RBPJ: variants seen among roughly 807,000 people sequenced by gnomAD.
The protein encoded by RBPJ is recombination signal binding protein for immunoglobulin kappa J region.
Under a neutral mutation model 67.8 loss-of-function variants are expected in RBPJ, and 9 were observed. The ratio of observed to expected loss-of-function variants is 0.13; its 90% confidence interval spans 0.08 to 0.23. The LOEUF is 0.23. Among genes scored for constraint, RBPJ ranks in the 10% least tolerant of loss-of-function variants. The pLI is 1.00. For missense variants in RBPJ, 305 were observed against 595.6 expected, an observed-to-expected ratio of 0.51 and a Z score of 5.08; for synonymous variants, 198 against 203.3, an observed-to-expected ratio of 0.97 and a Z score of 0.22.
chr4:26,245,224 T>TTTA lies in RBPJ; in HGVS notation c.-167+81612_-167+81613insATT, dbSNP rs1435537614. On this transcript the variant is annotated intron_variant, in intron 1 of 4. Transcript: ENST00000512351. ...TTGTATTTTTTTTTTTTTTTTTTTTTTTGAGTTGGAGTCTCACTCGCTCAC... is the reference window on the plus strand; with the variant it reads ...TTGTATTTTTTTTTTTTTTTTTTTTTTTATTGAGTTGGAGTCTCACTCGCTCAC... 2.7e-5 allele frequency among the ~76,000 whole-genome samples: 4 copies of TTTA among 147,618 alleles called. No individual in the cohort carries two copies. In the Admixed American group the frequency reaches 2.7e-4, roughly 10 times the overall value.
chr4:26,225,792 G>A (rs963104214), intron 1 of RBPJ, among the ~76,000 whole-genome samples: 3 of 151,956 alleles, frequency 2.0e-5, no homozygotes, highest in African/African-American at 7.2e-5. Flanking sequence ...AAAATTCAAG[G>A]GCAAACACTA....
chr4:26,198,514 GTAATAA>G (rs1717866850), intron 1 of RBPJ, among the ~76,000 whole-genome samples: 1 of 152,118 alleles, frequency 6.6e-6, no homozygotes, highest in South Asian at 2.1e-4. Context: ...CAAGCAAATA[GTAATAA>G]TAATAATGAT....
At chr4:26,183,366 C>CT (rs1324634976) in intron 1 of RBPJ, among the ~76,000 whole-genome samples, 2 of 152,200 alleles carry the variant, frequency 1.3e-5, no homozygotes, top group African/African-American at 4.8e-5. Context: ...TACTCAATTC[C>CT]TTTTTACAAG....
At chr4:26,413,267 A>G (rs965764877) in intron 3 of RBPJ, among the ~76,000 whole-genome samples, 3 of 152,106 alleles carry the variant, frequency 2.0e-5, no homozygotes, top group Admixed American at 1.3e-4. Context: ...AGGTGTCCAC[A>G]TGGCTTTAGG....
intron 1 of RBPJ, among the ~76,000 whole-genome samples, chr4:26,233,028 G>A (rs948056745): frequency 6.6e-6 from 1 of 152,222 alleles, no homozygotes; most frequent in African/African-American, 2.4e-5. Flanking sequence ...CATGCAGAGA[G>A]AGCAGCTGCT....
chr4:26,324,121 G>A (rs192026506), intron 1 of RBPJ, among the ~76,000 whole-genome samples: 5 of 152,168 alleles, frequency 3.3e-5, no homozygotes, highest in Admixed American at 6.5e-5. Context: ...GGATTGCTGT[G>A]CCTTAAGATT....
At chr4:26,114,497 A>ATATATATATATATATATGTGTG in the RBPJ span, among the ~76,000 whole-genome samples, 5 of 140,038 alleles carry the variant, frequency 3.6e-5, no homozygotes, top group African/African-American at 1.4e-4. Context: ...ATATATATAT[A>ATATATATATATATATATGTGTG]TGTATGTGTG....
chr4:26,375,895 C>T (rs1729679514), intron 1 of RBPJ, among the ~76,000 whole-genome samples: 1 of 152,128 alleles, frequency 6.6e-6, no homozygotes, highest in Non-Finnish European at 1.5e-5. Context: ...GTATCCTTAC[C>T]TTGATGGTAA....
chr4:26,152,683 C>T, the RBPJ span, among the ~76,000 whole-genome samples: 21 of 152,336 alleles, frequency 1.4e-4, no homozygotes, highest in African/African-American at 3.8e-4. Context: ...AGGACTTGAA[C>T]CCAGGTTGTT....
chr4:26,416,245 C>G (rs1734574731), intron 4 of RBPJ, among the ~76,000 whole-genome samples: 1 of 152,120 alleles, frequency 6.6e-6, no homozygotes. Context: ...ATTTAGAAAG[C>G]AGTCAATCTA....
intron 4 of RBPJ, 30 bp from the exon 5 acceptor site, chr4:26,420,521 T>C: frequency 6.6e-7 from 1 of 1,525,470 alleles, no homozygotes; most frequent in Admixed American, 2.0e-5. Context: ...AAGGTTTTGC[T>C]GCTGTTAAAA....
intron 1 of RBPJ, among the ~76,000 whole-genome samples, chr4:26,310,150 T>G (rs906572966): frequency 3.3e-5 from 5 of 152,248 alleles, no homozygotes; most frequent in African/African-American, 1.2e-4. Context: ...AATATTTATT[T>G]TTGTTTCTCA....
chr4:26,232,146 T>C (rs937584063), intron 1 of RBPJ, among the ~76,000 whole-genome samples: 3 of 152,120 alleles, frequency 2.0e-5, no homozygotes, highest in African/African-American at 7.2e-5. Flanking sequence ...TCCAACCTCC[T>C]CAGCCTCCCA....
the RBPJ span, among the ~76,000 whole-genome samples, chr4:26,109,575 C>A: frequency 8.4e-3 from 464 of 55,296 alleles, 55 homozygotes; most frequent in Middle Eastern, 0.02. Context: ...CTCTCTCTCT[C>A]TCTCTATATA....
At chr4:26,429,822 G>T in intron 8 of RBPJ, 76 bp from the exon 9 acceptor site, 2 of 1,235,932 alleles carry the variant, frequency 1.6e-6, no homozygotes, top group South Asian at 2.6e-5. Context: ...TTGTCTGAGG[G>T]TTACTTGGTA....
intron 1 of RBPJ, among the ~76,000 whole-genome samples, chr4:26,277,918 CAT>C (rs891743420): frequency 3.9e-5 from 6 of 152,196 alleles, no homozygotes; most frequent in Non-Finnish European, 8.8e-5. Context: ...GTTATTTTCA[CAT>C]GTGTCAATCA....
the RBPJ span, among the ~76,000 whole-genome samples, chr4:26,138,062 T>C: frequency 6.6e-6 from 1 of 152,188 alleles, no homozygotes; most frequent in Non-Finnish European, 1.5e-5. Flanking sequence ...GGCACTGTCA[T>C]AGCTATCTGC....
chr4:26,340,623 G>T (rs1725410195), intron 1 of RBPJ, among the ~76,000 whole-genome samples: 2 of 152,140 alleles, frequency 1.3e-5, no homozygotes, highest in Admixed American at 1.3e-4. Flanking sequence ...ACTTTGGGAG[G>T]CCGAGGTGGG....
chr4:26,167,078 T>G (rs1015620447), intron 1 of RBPJ, among the ~76,000 whole-genome samples: 1 of 152,068 alleles, frequency 6.6e-6, no homozygotes, highest in Non-Finnish European at 1.5e-5. Context: ...GATCTATAGC[T>G]CTGTTTTGGT....
Sources: gnomAD v4.1 joint callset for allele counts (sites outside exome capture counted in the v4.1 genomes callset) on GRCh38, gnomAD v4.1.1 for gene constraint, MANE v1.5 for transcripts, NCBI Gene and HGNC (gene_info 2026-07-23, HGNC 2026-07-21) for gene names.